The following HBP1 variants were observed in gnomAD, a reference collection of about 807,000 sequenced individuals.
HBP1 encodes the protein HMG-box transcription factor 1.
HBP1 carries 20 observed loss-of-function variants against 62.6 expected under a neutral mutation model. The ratio of observed to expected loss-of-function variants is 0.32; its 90% CI spans 0.22 to 0.46. The LOEUF is 0.46. Ranked by LOEUF, HBP1 falls within the 20% of genes least tolerant of loss-of-function variation. HBP1 has a pLI of 1.00. For missense variants in HBP1, 480 were observed against 611.8 expected, an observed-to-expected ratio of 0.78 and a Z score of 2.27; for synonymous variants, 232 against 206.2, an observed-to-expected ratio of 1.12 and a Z score of -1.07.
At chr7:107,184,437 A>G (rs1455930476) in intron 3 of HBP1, among the ~76,000 whole-genome samples, 1 of 152,234 alleles carries the variant, frequency 6.6e-6, no homozygotes, top group Non-Finnish European at 1.5e-5. Flanking sequence ...TAATGAGGAT[A>G]AGGTAGAAAT....
chr7:107,169,712 T>A, intron 1 of HBP1: 1 of 984,710 alleles, frequency 1.0e-6, no homozygotes, highest in Non-Finnish European at 1.2e-6. Flanking sequence ...CGGGGCTCAT[T>A]GTTACGCAGT....
intron 6 of HBP1, 109 bp downstream of exon 6, chr7:107,186,790 G>A (rs957785548): frequency 1.0e-5 from 7 of 680,476 alleles, no homozygotes; most frequent in Non-Finnish European, 1.8e-5. Context: ...AAATGACATC[G>A]TACATTTTAG....
intron 7 of HBP1, 128 bp downstream of exon 7, chr7:107,189,576 C>T (rs550947860): frequency 1.5e-6 from 1 of 657,376 alleles, no homozygotes; most frequent in South Asian, 2.0e-5. Context: ...AAATAAAAAA[C>T]TACCATAGGG....
At position 107,201,850 on chromosome 7, in the gene HBP1, CATG is replaced by C; in HGVS notation, c.*424_*426del. ...ACTGCTTATTAATCTGTATTGTACA[CATG>C]ATGAAATGAAGCAGAAGCTGGGAGT... On this transcript the variant is annotated 3_prime_UTR_variant, in exon 11 of 11. Coordinates refer to ENST00000222574, the MANE Select transcript of HBP1 (RefSeq NM_012257.4). The C allele has an allele frequency of 6.4e-6, 1 of 155,074 alleles. No individual in the cohort carries two copies. Among genetic ancestry groups the C allele is most frequent in the Non-Finnish European group, 1.4e-5 (1 of 69,730 alleles). The allele number at this position is 155,074 out of a possible 1,614,324, so 9.6% of individuals were successfully genotyped here.
chr7:107,187,678 C>T (rs776342620), intron 6 of HBP1, among the ~76,000 whole-genome samples: 1 of 152,200 alleles, frequency 6.6e-6, no homozygotes, highest in Non-Finnish European at 1.5e-5. Context: ...ACTTTGGCCT[C>T]TACTACTCTA....
At chr7:107,199,860 A>G (rs1361577569) in intron 9 of HBP1, among the ~76,000 whole-genome samples, 1 of 152,224 alleles carries the variant, frequency 6.6e-6, no homozygotes, top group Non-Finnish European at 1.5e-5. Context: ...TTAATTCTAC[A>G]CTTCCACTAT....
At chr7:107,192,705 C>T (rs1006810978) in intron 8 of HBP1, 7 of 152,100 alleles carry the variant, frequency 4.6e-5, no homozygotes, top group Non-Finnish European at 7.4e-5. Context: ...CAAATTCTTA[C>T]CATTTGATCT....
rs772247135 is a variant in HBP1 at position 107,179,920 on chromosome 7, G to C, written c.27G>C (p.Gln9His). 2.5e-6 allele frequency: 4 copies of C among 1,598,910 alleles called. No individual in the cohort carries two copies. The highest frequency in any genetic ancestry group is 2.2e-5 in the East Asian group (1 of 44,546). ...TGGTGTGGGAAGTGAAGACAAATCAGATGCCTAATGCAGTACAGAAACTCC... is the reference window on the plus strand; with the variant it reads ...TGGTGTGGGAAGTGAAGACAAATCACATGCCTAATGCAGTACAGAAACTCC... MVWEVKTNQMPNAVQKLLL... is the reference protein window; with the variant it reads MVWEVKTNHMPNAVQKLLL... Residue 9 changes from glutamine (Q) to histidine (H), a missense_variant, in exon 2 of 11, where the codon CAG becomes CAC. Around this residue, in one of 4 missense-constraint regions of HBP1, gnomAD observed 304 missense variants for 330.9 expected, o/e 0.92. Coordinates refer to ENST00000222574, the MANE Select transcript of HBP1 (RefSeq NM_012257.4).
At chr7:107,196,503 C>T (rs1459389052) in intron 9 of HBP1, 6 of 323,832 alleles carry the variant, frequency 1.9e-5, no homozygotes, top group Non-Finnish European at 3.0e-5. Flanking sequence ...CTCCTGACCT[C>T]GTGATCCACC....
intron 9 of HBP1, among the ~76,000 whole-genome samples, chr7:107,198,210 ATCT>A (rs1279436639): frequency 6.6e-6 from 1 of 151,450 alleles, no homozygotes; most frequent in East Asian, 1.9e-4. Context: ...TTGCTCAAAA[ATCT>A]TTTTTTTTTT....
intron 1 of HBP1, among the ~76,000 whole-genome samples, chr7:107,171,006 TAC>T (rs1796537450): frequency 7.0e-6 from 1 of 143,102 alleles, no homozygotes; most frequent in African/African-American, 2.6e-5. Flanking sequence ...ATATAACATA[TAC>T]ATGTATATAT....
intron 5 of HBP1, 22 bp from the exon 6 acceptor site, chr7:107,186,547 G>C (rs2066759): frequency 3.2e-6 from 5 of 1,567,750 alleles, no homozygotes; most frequent in Non-Finnish European, 4.4e-6. Context: ...TGTCTAATAC[G>C]TGTTTTCTAC....
intron 6 of HBP1, among the ~76,000 whole-genome samples, chr7:107,187,206 T>C (rs111720305): frequency 7.9e-5 from 12 of 152,234 alleles, no homozygotes; most frequent in Non-Finnish European, 1.8e-4. Context: ...TGAGCCAAGA[T>C]TGCGCCACTG....
At chr7:107,199,938 A>G (rs1798144492) in intron 9 of HBP1, among the ~76,000 whole-genome samples, 1 of 152,248 alleles carries the variant, frequency 6.6e-6, no homozygotes, top group Non-Finnish European at 1.5e-5. Flanking sequence ...ATTAGCTTTT[A>G]GTACAAGTTG....
At chr7:107,198,070 A>ATTC (rs934213042) in intron 9 of HBP1, among the ~76,000 whole-genome samples, 2 of 152,188 alleles carry the variant, frequency 1.3e-5, no homozygotes, top group Admixed American at 1.3e-4. Context: ...GCTGGGATGC[A>ATTC]TTCTGTATTT....
At chr7:107,201,113 CAGT>C (rs778203378) in intron 10 of HBP1, 14 of 269,898 alleles carry the variant, frequency 5.2e-5, no homozygotes, top group Non-Finnish European at 8.3e-5. Context: ...AGTGGTCAGT[CAGT>C]AGTCAGATGA....
intron 8 of HBP1, 49 bp from the exon 9 acceptor site, chr7:107,195,783 CAG>C (rs1374363370): frequency 7.5e-6 from 6 of 796,022 alleles, no homozygotes; most frequent in African/African-American, 7.2e-5. Flanking sequence ...TTTTAGAAAT[CAG>C]AGAATTCAAA....
chr7:107,187,956 A>G (rs1452563184), intron 6 of HBP1, among the ~76,000 whole-genome samples: 1 of 152,100 alleles, frequency 6.6e-6, no homozygotes, highest in African/African-American at 2.4e-5. Context: ...CAGCACCTCC[A>G]TCATGTCCTG....
At position 107,182,538 on chromosome 7, in the gene HBP1, C is replaced by T; in HGVS notation, c.335C>T (p.Thr112Ile). 6.2e-7 allele frequency: 1 copy of T among 1,613,588 alleles called. No homozygotes were observed. Among genetic ancestry groups the T allele is most frequent in the Non-Finnish European group, 8.5e-7 (1 of 1,179,568 alleles). ...CGTGAAAATGAGGTGGACTGGCTAA[C>T]AGAATTGGCAAATATCGCGACCAGT... Reference protein sequence around the residue: ...TYRENEVDWLTELANIATSPQ... With the variant: ...TYRENEVDWLIELANIATSPQ... The change falls in exon 3 of 11, where the codon ACA (threonine) becomes ATA (isoleucine). Residue 112 changes from threonine to isoleucine, a missense_variant. Physicochemically the swap from Thr to Ile is moderately conservative, Grantham distance 89. Around this residue, in one of 4 missense-constraint regions of HBP1, gnomAD observed 304 missense variants for 330.9 expected, o/e 0.92. Coordinates refer to ENST00000222574, the MANE Select transcript of HBP1 (RefSeq NM_012257.4).
Sources: allele counts gnomAD v4.1 joint callset (sites outside exome capture counted in the v4.1 genomes callset), GRCh38; gene constraint gnomAD v4.1.1; regional missense constraint gnomAD v4.1.1; transcripts MANE v1.5; gene names NCBI Gene and HGNC (gene_info 2026-07-23, HGNC 2026-07-21).